MYL4: variants seen among roughly 807,000 people sequenced by gnomAD.
The protein encoded by MYL4 is myosin light chain 4.
MYL4 carries 16 observed loss-of-function variants against 21.6 expected under a neutral mutation model. That is an observed-to-expected ratio of 0.74 (90% CI 0.50 to 1.12). MYL4 has a LOEUF of 1.12. MYL4 is among the 50% of genes most tolerant of loss of function. MYL4 has a pLI of 0.00. For synonymous variants in MYL4, 82 were observed against 95.7 expected (o/e 0.86, Z 0.83); for missense variants, 249 against 252.9 (o/e 0.98, Z 0.11).
At chr17:47,213,365 A>G (rs1008615633) in intron 1 of MYL4, among the ~76,000 whole-genome samples, 1 of 152,158 alleles carries the variant, frequency 6.6e-6, no homozygotes, top group Non-Finnish European at 1.5e-5. Context: ...CCAAAATCTG[A>G]GGATGCTCAA....
intron 5 of MYL4, 66 bp downstream of exon 5, chr17:47,222,523 G>A: frequency 6.7e-7 from 1 of 1,502,334 alleles, no homozygotes; most frequent in South Asian, 1.1e-5. Context: ...CTTGGGTGGG[G>A]TGGGCCCAGG....
chr17:47,222,812 G>C (rs2064866699), intron 5 of MYL4, among the ~76,000 whole-genome samples: 1 of 152,138 alleles, frequency 6.6e-6, no homozygotes, highest in Non-Finnish European at 1.5e-5. Flanking sequence ...AATCAGCATA[G>C]AGAGTGGGCA....
At chr17:47,222,175 A>C (rs1221640818) in intron 4 of MYL4, among the ~76,000 whole-genome samples, 1 of 152,118 alleles carries the variant, frequency 6.6e-6, no homozygotes, top group Non-Finnish European at 1.5e-5. Context: ...GGAAGCTGTA[A>C]GGCAGAGGGG....
In MYL4 at chr17:47,209,547, A is replaced by G. The variant is rs771875522; in HGVS notation, c.125A>G (p.Lys42Arg). 3.1e-6 allele frequency: 5 copies of G among 1,614,068 alleles called. No homozygotes were observed. Among genetic ancestry groups the G allele is most frequent in the Admixed American group, 3.3e-5 (2 of 60,010 alleles). Reference protein sequence around the residue: ...EAPKEPAFDPKSVKIDFTADQ... With the variant: ...EAPKEPAFDPRSVKIDFTADQ... The stretch of plus-strand genomic sequence containing the variant: ...CCCAAGGAACCTGCCTTTGACCCCA[A>G]GAGTGTAAAGGTAAGTGAGGCTCAG... The change falls in exon 1 of 7, where the codon AAG (lysine) becomes AGG (arginine). Residue 42 changes from lysine to arginine, a missense_variant. Coordinates refer to ENST00000393450, the MANE Select transcript of MYL4 (RefSeq NM_002476.2).
chr17:47,195,920 G>A (rs146142443), upstream of MYL4, among the ~76,000 whole-genome samples: 353 of 152,268 alleles, frequency 2.3e-3, 2 homozygotes, highest in Middle Eastern at 0.014. Context: ...TGTCTGCCTT[G>A]TTCCCTGTGT....
At chr17:47,212,527 AGT>A (rs2064783831) in intron 1 of MYL4, among the ~76,000 whole-genome samples, 1 of 152,234 alleles carries the variant, frequency 6.6e-6, no homozygotes, top group Admixed American at 6.5e-5. Context: ...AGTGCCTAAG[AGT>A]GTGTCAGAAG....
At chr17:47,216,618 T>C (rs963182578) in intron 2 of MYL4, among the ~76,000 whole-genome samples, 2 of 152,178 alleles carry the variant, frequency 1.3e-5, no homozygotes, top group Non-Finnish European at 2.9e-5. Context: ...GCTCAAATTA[T>C]AGGTCATTGT....
At position 47,221,577 on chromosome 17, in the gene MYL4, A is replaced by C. The variant is rs2064855826; in HGVS notation, c.314-105A>C. The C allele has an allele frequency of 3.0e-6, 4 of 1,348,594 alleles. No homozygotes were observed. The Admixed American group carries it at 6.1e-5, about 21-fold the overall frequency. The allele number at this position is 1,348,594 out of a possible 1,614,324, so 83.5% of individuals were successfully genotyped here. ...ACCACCCAGAATTGGCTGCAGCCCAAGCCCTGGGTGCTGTCAGACTTGGGG... is the reference window on the plus strand; with the variant it reads ...ACCACCCAGAATTGGCTGCAGCCCACGCCCTGGGTGCTGTCAGACTTGGGG... On this transcript the variant is annotated intron_variant, in intron 3 of 6. Coordinates refer to ENST00000393450, the MANE Select transcript of MYL4 (RefSeq NM_002476.2).
rs757225848 is a variant in MYL4 at position 47,221,870 on chromosome 17, C to A, written c.487+15C>A. Reference sequence around the variant, plus strand: ...TGCCACCCTGGGTATGCCAGCTGGGCAGAGATGAAGACCAAGTGGGAGGAA... The same window carrying A: ...TGCCACCCTGGGTATGCCAGCTGGGAAGAGATGAAGACCAAGTGGGAGGAA... On this transcript the variant is annotated intron_variant, in intron 4 of 6. Transcript: ENST00000393450. 6.2e-7 allele frequency: 1 copy of A among 1,607,162 alleles called. No homozygotes were observed. Among genetic ancestry groups the A allele is most frequent in the Non-Finnish European group, 8.5e-7 (1 of 1,175,794 alleles).
chr17:47,216,233 C>A (rs562268225), intron 2 of MYL4, among the ~76,000 whole-genome samples: 1 of 152,096 alleles, frequency 6.6e-6, no homozygotes, highest in Non-Finnish European at 1.5e-5. Context: ...GGTGACCACA[C>A]TACTGCAGAT....
chr17:47,196,385 G>A (rs754997229), upstream of MYL4, among the ~76,000 whole-genome samples: 2 of 152,132 alleles, frequency 1.3e-5, no homozygotes, highest in African/African-American at 2.4e-5. Flanking sequence ...CAAGCCACCC[G>A]GTGTGTGGTA....
At chr17:47,195,570 G>T (rs1351593417), upstream of MYL4, among the ~76,000 whole-genome samples, 1 of 152,110 alleles carries the variant, frequency 6.6e-6, no homozygotes, top group Non-Finnish European at 1.5e-5. Flanking sequence ...TGTTGGCCAG[G>T]CTGGTCTCCA....
At chr17:47,220,203 C>T (rs1598659488) in intron 3 of MYL4, 150 bp downstream of exon 3, 1 of 980,120 alleles carries the variant, frequency 1.0e-6, no homozygotes, top group African/African-American at 1.7e-5. Flanking sequence ...TTACCCTAGT[C>T]CCATTTTGAG....
upstream of MYL4, among the ~76,000 whole-genome samples, chr17:47,196,559 G>A (rs2064689719): frequency 6.6e-6 from 1 of 152,156 alleles, no homozygotes; most frequent in Non-Finnish European, 1.5e-5. Context: ...TGATTAAAGT[G>A]GAAGTCTTTC....
At chr17:47,193,198 T>TGGTCAAATCATCCTCTTC in the MYL4 span, among the ~76,000 whole-genome samples, 11 of 151,902 alleles carry the variant, frequency 7.2e-5, no homozygotes, top group Non-Finnish European at 2.9e-5. Context: ...GTTTACTCTT[T>TGGTCAAATCATCCTCTTC]GGTCAAATCA....
At chr17:47,210,556 T>G (rs1224809736) in intron 1 of MYL4, among the ~76,000 whole-genome samples, 1 of 151,992 alleles carries the variant, frequency 6.6e-6, no homozygotes. Context: ...CTGGGGGTGG[T>G]GAGGGATCAG....
chr17:47,224,644 T>C (rs2064878410), downstream of MYL4, among the ~76,000 whole-genome samples: 1 of 152,242 alleles, frequency 6.6e-6, no homozygotes, highest in Non-Finnish European at 1.5e-5. Flanking sequence ...GACCGGCTTA[T>C]TTCACTTAGC....
chr17:47,210,972 C>A (rs1333154808), intron 1 of MYL4, among the ~76,000 whole-genome samples: 1 of 152,098 alleles, frequency 6.6e-6, no homozygotes, highest in Non-Finnish European at 1.5e-5. Flanking sequence ...GGGTGGGTTG[C>A]CAGGCCTTGT....
chr17:47,190,738 T>C, the MYL4 span, among the ~76,000 whole-genome samples: 1 of 152,216 alleles, frequency 6.6e-6, no homozygotes, highest in Non-Finnish European at 1.5e-5. Context: ...GGTAACAGAC[T>C]TTTACACTGG....
Sources: allele counts gnomAD v4.1 joint callset (sites outside exome capture counted in the v4.1 genomes callset), GRCh38; gene constraint gnomAD v4.1.1; transcripts MANE v1.5; gene names NCBI Gene and HGNC (gene_info 2026-07-23, HGNC 2026-07-21).